Variants in GNGT2 observed in about 807,000 individuals in gnomAD.
The protein encoded by GNGT2 is G protein subunit gamma transducin 2.
Under a neutral mutation model 3.5 loss-of-function variants are expected in GNGT2, and 4 were observed. The ratio of observed to expected loss-of-function variants is 1.13; its 90% CI spans 0.56 to 2.59. The LOEUF (loss-of-function observed/expected upper bound fraction) is 2.59, where lower values mean the gene tolerates loss of function less well. GNGT2 is among the 30% of genes most tolerant of loss of function. The pLI, the probability that GNGT2 is intolerant of heterozygous loss-of-function variation, is 0.02. For synonymous variants in GNGT2, 31 were observed against 29.5 expected, an observed-to-expected ratio of 1.05 and a Z score of -0.17; for missense variants, 64 against 81.2, an observed-to-expected ratio of 0.79 and a Z score of 0.82.
chr17:49,209,960 C>T (rs772674934), intron 1 of GNGT2, among the ~76,000 whole-genome samples: 4 of 152,196 alleles, frequency 2.6e-5, no homozygotes, highest in Admixed American at 6.5e-5. Context: ...TGGTGCTTCT[C>T]AAATCCAAGT....
At chr17:49,207,283 C>T in intron 3 of GNGT2, 56 bp downstream of exon 3, 1 of 1,288,546 alleles carries the variant, frequency 7.8e-7, no homozygotes, top group Non-Finnish European at 1.1e-6. Flanking sequence ...CTTCCTCCTT[C>T]CCGGGGCTCA....
At chr17:49,208,178 AT>A (rs1432491767) in intron 2 of GNGT2, among the ~76,000 whole-genome samples, 2 of 150,582 alleles carry the variant, frequency 1.3e-5, no homozygotes, top group African/African-American at 4.9e-5. Context: ...ATAAAAAAAG[AT>A]CCCAGGCACT....
Position 49,210,340 on chromosome 17 carries a change from G to C in GNGT2, c.-133+104C>G. The C allele has an allele frequency of 6.2e-6, 1 of 160,650 alleles. No individual in the cohort carries two copies. The highest frequency in any genetic ancestry group is 1.3e-5 in the Non-Finnish European group (1 of 74,098). The allele number at this position is 160,650 out of a possible 1,614,324, so 10.0% of individuals were successfully genotyped here. On this transcript the variant is annotated intron_variant, in intron 1 of 3. Coordinates refer to ENST00000507680, the MANE Select transcript of GNGT2 (RefSeq NM_001198754.2). This position sits in a 1 kb window ranked among gnomAD's most constrained non-coding sequence, Gnocchi z 4.2. ...TTCCATGAGTGGAAAATCCACCTCC[G>C]CCCCCTATAGCAGGCCAGCCCCCTT...
chr17:49,207,488 T>C, intron 2 of GNGT2, 44 bp from the exon 3 acceptor site: 1 of 1,072,556 alleles, frequency 9.3e-7, no homozygotes, highest in South Asian at 1.2e-5. Flanking sequence ...TCATCAGCTC[T>C]TCCAGCTCCC....
At chr17:49,208,301 A>C (rs1309626919) in intron 2 of GNGT2, among the ~76,000 whole-genome samples, 1 of 151,972 alleles carries the variant, frequency 6.6e-6, no homozygotes, top group Non-Finnish European at 1.5e-5. Flanking sequence ...TCTCTACTAA[A>C]AATACAAAAA....
chr17:49,209,896 G>A (rs1413833092), intron 1 of GNGT2, among the ~76,000 whole-genome samples: 1 of 152,180 alleles, frequency 6.6e-6, no homozygotes, highest in Admixed American at 6.5e-5. Flanking sequence ...GGCAGGCTCA[G>A]TGCTCTGTCC....
In GNGT2 at chr17:49,206,588, A is replaced by T. The variant is rs2043109052; in HGVS notation, c.*169T>A. 2 of 624,044 alleles carry T rather than the reference A, an allele frequency of 3.2e-6. No individual in the cohort carries two copies. Among genetic ancestry groups the T allele is most frequent in the Non-Finnish European group, 5.5e-6 (2 of 364,994 alleles). 38.7% of individuals were successfully genotyped at this position (624,044 alleles called of 1,614,324 possible). ...CCCAGCAGGTGGAGGAAATAATGGGAGAAAAGAGTTGAAGGTGGGAGTGGG... is the reference window on the plus strand; with the variant it reads ...CCCAGCAGGTGGAGGAAATAATGGGTGAAAAGAGTTGAAGGTGGGAGTGGG... On this transcript the variant is annotated 3_prime_UTR_variant, in exon 4 of 4. Transcript: ENST00000507680.
chr17:49,206,597 T>G lies in GNGT2; in HGVS notation c.*160A>C. ...TGGAGGAAATAATGGGAGAAAAGAGTTGAAGGTGGGAGTGGGGAATGGGTT... is the reference window on the plus strand; with the variant it reads ...TGGAGGAAATAATGGGAGAAAAGAGGTGAAGGTGGGAGTGGGGAATGGGTT... On this transcript the variant is annotated 3_prime_UTR_variant, in exon 4 of 4. Transcript: ENST00000507680. 2 of 633,716 alleles carry G rather than the reference T, an allele frequency of 3.2e-6. No homozygotes were observed. The highest frequency in any genetic ancestry group is 3.0e-5 in the East Asian group (1 of 33,506). 39.3% of individuals were successfully genotyped at this position (633,716 alleles called of 1,614,324 possible).
At chr17:49,207,094 G>A (rs1374445906) in intron 3 of GNGT2, among the ~76,000 whole-genome samples, 1 of 152,108 alleles carries the variant, frequency 6.6e-6, no homozygotes. Flanking sequence ...GCCAGAGCCA[G>A]CCCAGACACA....
At chr17:49,208,141 G>A (rs1296213888) in intron 2 of GNGT2, among the ~76,000 whole-genome samples, 1 of 151,834 alleles carries the variant, frequency 6.6e-6, no homozygotes, top group Non-Finnish European at 1.5e-5. Context: ...CTCCAGCCTG[G>A]GTAACAGAGA....
chr17:49,206,735 C>G lies in GNGT2; in HGVS notation c.*22G>C. 1 of 1,602,284 alleles carries G rather than the reference C, an allele frequency of 6.2e-7. No individual in the cohort carries two copies. The highest frequency in any genetic ancestry group is 8.5e-7 in the Non-Finnish European group (1 of 1,175,038). ...GGGCTTGGCTGAAGAGGGACAGACA[C>G]TCAGGGCAGGGCTCCATGCCATCAG... On this transcript the variant is annotated 3_prime_UTR_variant, in exon 4 of 4. Coordinates refer to ENST00000507680, the MANE Select transcript of GNGT2 (RefSeq NM_001198754.2).
chr17:49,207,119 G>A (rs1420204221), intron 3 of GNGT2, among the ~76,000 whole-genome samples: 3 of 152,114 alleles, frequency 2.0e-5, no homozygotes, highest in African/African-American at 7.2e-5. Context: ...TGGACACGCT[G>A]AGCTCTCCAA....
At chr17:49,207,065 G>C (rs769298632) in intron 3 of GNGT2, among the ~76,000 whole-genome samples, 183 bp from the exon 4 acceptor site, 8 of 152,122 alleles carry the variant, frequency 5.3e-5, no homozygotes, top group Non-Finnish European at 1.0e-4. Flanking sequence ...CACTGACCCT[G>C]ACCTTCATGG....
rs2043110417 is a variant in GNGT2, at chr17:49,206,778, T to C, written c.189A>G (p.Lys63=). 1 of 1,613,654 alleles carries C rather than the reference T, an allele frequency of 6.2e-7. No individual in the cohort carries two copies. The highest frequency in any genetic ancestry group is 8.5e-7 in the Non-Finnish European group (1 of 1,179,782). Residue 63 remains lysine, a synonymous_variant, in exon 4 of 4, where the codon AAA becomes AAG. Coordinates refer to ENST00000507680, the MANE Select transcript of GNGT2 (RefSeq NM_001198754.2). ...IPEDKNPFKE[K]GGCLIS ...GCCATCAGCTTATCAGACAGCCACC[T>C]TTCTCCTTGAAGGGATTCTTGTCCT...
chr17:49,208,277 A>G (rs1235570075), intron 2 of GNGT2, among the ~76,000 whole-genome samples: 1 of 152,094 alleles, frequency 6.6e-6, no homozygotes, highest in African/African-American at 2.4e-5. Flanking sequence ...CCTCGCCAAC[A>G]TGGTGAAACC....
intron 3 of GNGT2, 25 bp downstream of exon 3, chr17:49,207,314 G>T: frequency 6.5e-7 from 1 of 1,534,142 alleles, no homozygotes; most frequent in Non-Finnish European, 9.0e-7. Context: ...GAAGGGAAGA[G>T]CAGGGACGGG....
chr17:49,206,399 T>G lies in GNGT2; in HGVS notation c.*358A>C. The G allele has an allele frequency of 4.6e-6, 1 of 218,014 alleles. No homozygotes were observed. The highest frequency in any genetic ancestry group is 9.0e-6 in the Non-Finnish European group (1 of 111,600). The allele number at this position is 218,014 out of a possible 1,614,324, so 13.5% of individuals were successfully genotyped here. On this transcript the variant is annotated 3_prime_UTR_variant, in exon 4 of 4. Coordinates refer to ENST00000507680, the MANE Select transcript of GNGT2 (RefSeq NM_001198754.2). The stretch of plus-strand genomic sequence containing the variant: ...AAATGCTTTATTCCTAGGATGAGAG[T>G]AGAGGGAAAAGACGGAGGGGTTCCC...
intron 3 of GNGT2, 133 bp from the exon 4 acceptor site, chr17:49,207,015 C>T: frequency 1.1e-6 from 1 of 950,036 alleles, no homozygotes; most frequent in East Asian, 2.4e-5. Flanking sequence ...AGAGGACAGA[C>T]AGGTGTTCGG....
chr17:49,207,373 T>C lies in GNGT2; in HGVS notation c.50A>G (p.Gln17Arg), dbSNP rs35638197. ...TGTGTTTTTCACTTCTTTCTTCAGC[T>C]GCTCCACCTCCATCTTCAACAGGTC... ...EKDLLKMEVE[Q>R]LKKEVKNTRI... Residue 17 changes from glutamine (Q) to arginine (R), a missense_variant, in exon 3 of 4, where the codon CAG becomes CGG. Gln to Arg is a conservative substitution (Grantham distance 43). Transcript: ENST00000507680. 0.047 allele frequency: 75,556 copies of C among 1,613,182 alleles called. 2,191 individuals carry two copies. Among genetic ancestry groups the C allele is most frequent in the Middle Eastern group, 0.058 (353 of 6,062 alleles).
Sources: gnomAD v4.1 joint callset for allele counts (sites outside exome capture counted in the v4.1 genomes callset) on GRCh38, gnomAD v4.1.1 for gene constraint, Gnocchi (gnomAD v3.1) non-coding constraint, MANE v1.5 for transcripts, NCBI Gene and HGNC (gene_info 2026-07-23, HGNC 2026-07-21) for gene names.